Variants in DNAH7 observed in about 807,000 individuals in gnomAD.
DNAH7 encodes axonemal beta dynein heavy chain 7.
Under a neutral mutation model 444.6 loss-of-function variants are expected in DNAH7, and 397 were observed. The observed-to-expected ratio is 0.89, with a 90% CI of 0.82 to 0.97. DNAH7 has a LOEUF of 0.97. Among genes scored for constraint, DNAH7 ranks in the 50% least tolerant of loss-of-function variants. The pLI is 0.00. For synonymous variants in DNAH7, 1,636 were observed against 1,624.4 expected, an observed-to-expected ratio of 1.01 and a Z score of -0.17; for missense variants, 4,902 against 4,800.8, an observed-to-expected ratio of 1.02 and a Z score of -0.62.
At chr2:195,973,948 G>A (rs1210161438) in intron 15 of DNAH7, among the ~76,000 whole-genome samples, 2 of 152,136 alleles carry the variant, frequency 1.3e-5, no homozygotes, top group Non-Finnish European at 2.9e-5. Flanking sequence ...TGTGGTGGCA[G>A]GCGCCAGTAA....
chr2:195,943,058 G>A (rs1196814103), intron 19 of DNAH7, among the ~76,000 whole-genome samples: 4 of 152,112 alleles, frequency 2.6e-5, no homozygotes, highest in Non-Finnish European at 5.9e-5. Flanking sequence ...TTTTATAAAG[G>A]GGAGTTCCCC....
At position 195,957,310 on chromosome 2, in the gene DNAH7, A is replaced by G; in HGVS notation, c.3029T>C (p.Phe1010Ser). 2.5e-6 allele frequency: 4 copies of G among 1,604,372 alleles called. No individual in the cohort carries two copies. The highest frequency in any genetic ancestry group is 3.4e-6 in the Non-Finnish European group (4 of 1,173,246). Residue 1010 changes from phenylalanine to serine, a missense_variant, in exon 19 of 65, where the codon TTT becomes TCT. Phe to Ser is a radical substitution (Grantham distance 155). Transcript: ENST00000312428. ...TCTCCATGTCTTATCCACAGCTGTA[A>G]ATCGTCTGCCTTCCTCAGGCATTTG... ...MSQMPEEGRR[F>S]TAVDKTWRDI...
intron 3 of DNAH7, among the ~76,000 whole-genome samples, chr2:196,050,516 TTTTTTAAAA>T (rs1303056163): frequency 6.6e-6 from 1 of 152,206 alleles, no homozygotes; most frequent in Non-Finnish European, 1.5e-5. Flanking sequence ...TTTTATCAAT[TTTTTTAAAA>T]AATAATAATA....
chr2:196,066,175 T>C (rs1698418523), intron 1 of DNAH7, among the ~76,000 whole-genome samples: 2 of 152,240 alleles, frequency 1.3e-5, no homozygotes, highest in East Asian at 1.9e-4. Flanking sequence ...ATAGCCCAAG[T>C]ATTAACCCTC....
At chr2:195,918,278 GACA>G (rs1687808699) in intron 24 of DNAH7, among the ~76,000 whole-genome samples, 2 of 152,182 alleles carry the variant, frequency 1.3e-5, no homozygotes, top group Non-Finnish European at 2.9e-5. Context: ...CAAAAGCATT[GACA>G]ACACCAGATA....
Position 196,019,163 on chromosome 2 carries a change from T to A in DNAH7, c.869+7A>T. 3 of 1,464,834 alleles carry A rather than the reference T, an allele frequency of 2.0e-6. No homozygotes were observed. The highest frequency in any genetic ancestry group is 2.7e-6 in the Non-Finnish European group (3 of 1,095,298). 90.7% of individuals were successfully genotyped at this position (1,464,834 alleles called of 1,614,324 possible). The stretch of plus-strand genomic sequence containing the variant: ...TTAAAAACCTCTATAAGGCCACATA[T>A]ACTCACTTAAAATTAGTGTGCCACA... On this transcript the variant is annotated splice_region_variant and intron_variant, in intron 9 of 64. Transcript: ENST00000312428.
intron 19 of DNAH7, among the ~76,000 whole-genome samples, chr2:195,948,055 CT>C (rs1188691163): frequency 2.0e-5 from 3 of 152,132 alleles, no homozygotes; most frequent in Non-Finnish European, 4.4e-5. Flanking sequence ...TGATAATGAG[CT>C]TTTTTTCATA....
intron 8 of DNAH7, among the ~76,000 whole-genome samples, chr2:196,019,807 T>C (rs556386256): frequency 6.6e-6 from 1 of 152,272 alleles, no homozygotes; most frequent in East Asian, 1.9e-4. Context: ...AACACTAACG[T>C]TTTTATTTGA....
chr2:195,982,644 T>TA (rs1338638915), intron 15 of DNAH7, among the ~76,000 whole-genome samples: 1 of 152,178 alleles, frequency 6.6e-6, no homozygotes, highest in African/African-American at 2.4e-5. Flanking sequence ...TATTCAGTTA[T>TA]AAAAAAGAAT....
At chr2:195,801,866 T>G (rs904601305) in intron 54 of DNAH7, among the ~76,000 whole-genome samples, 3 of 152,200 alleles carry the variant, frequency 2.0e-5, no homozygotes, top group Non-Finnish European at 4.4e-5. Context: ...TGGAGGAATA[T>G]GTGTGTTAGG....
At chr2:195,855,448 A>G (rs796441913) in intron 45 of DNAH7, among the ~76,000 whole-genome samples, 11 of 152,272 alleles carry the variant, frequency 7.2e-5, no homozygotes, top group African/African-American at 2.6e-4. Flanking sequence ...AAATGATTAA[A>G]TAATCTAGCT....
chr2:195,971,727 G>A (rs1297713667), intron 16 of DNAH7, among the ~76,000 whole-genome samples: 2 of 152,044 alleles, frequency 1.3e-5, no homozygotes, highest in East Asian at 3.9e-4. Context: ...GCTGGACAGT[G>A]AAATGGGCAA....
intron 48 of DNAH7, among the ~76,000 whole-genome samples, chr2:195,833,930 T>C (rs879732223): frequency 5.9e-5 from 9 of 152,110 alleles, no homozygotes; most frequent in Admixed American, 5.9e-4. Context: ...AATGTCTGTA[T>C]TTTTAGTAAA....
intron 63 of DNAH7, among the ~76,000 whole-genome samples, chr2:195,746,741 T>A (rs535159182): frequency 1.3e-5 from 2 of 152,158 alleles, no homozygotes; most frequent in Non-Finnish European, 2.9e-5. Context: ...TGCTCCTGAA[T>A]GACTACTGGG....
chr2:195,820,620 A>T (rs1455081479), intron 49 of DNAH7, among the ~76,000 whole-genome samples: 2 of 152,120 alleles, frequency 1.3e-5, no homozygotes, highest in African/African-American at 4.8e-5. Context: ...ACTTTCCCAA[A>T]CCCAGATAAC....
At chr2:196,027,468 C>T (rs969127558) in intron 6 of DNAH7, among the ~76,000 whole-genome samples, 2 of 151,738 alleles carry the variant, frequency 1.3e-5, no homozygotes, top group Non-Finnish European at 2.9e-5. Flanking sequence ...TAATAATGAA[C>T]ATTTAACTTC....
At chr2:195,979,559 A>C in intron 15 of DNAH7, among the ~76,000 whole-genome samples, 1 of 152,122 alleles carries the variant, frequency 6.6e-6, no homozygotes, top group Non-Finnish European at 1.5e-5. Flanking sequence ...GATTTAAATA[A>C]TTCTAAAAGC....
chr2:195,946,975 C>T (rs1037626968), intron 19 of DNAH7, among the ~76,000 whole-genome samples: 2 of 151,914 alleles, frequency 1.3e-5, no homozygotes, highest in Admixed American at 1.3e-4. Flanking sequence ...ATAAGGGAGC[C>T]TCTCTGAGTG....
chr2:195,901,125 G>T (rs1301708021), intron 27 of DNAH7: 2 of 151,988 alleles, frequency 1.3e-5, no homozygotes, highest in South Asian at 4.2e-4. Context: ...CTTGAAATTT[G>T]CCAAGAGAGT....
Sources: gnomAD v4.1 joint callset for allele counts (sites outside exome capture counted in the v4.1 genomes callset) on GRCh38, gnomAD v4.1.1 for gene constraint, MANE v1.5 for transcripts, NCBI Gene and HGNC (gene_info 2026-07-23, HGNC 2026-07-21) for gene names.